GALNT10: variants seen among roughly 807,000 people sequenced by gnomAD.
GALNT10 encodes the protein polypeptide N-acetylgalactosaminyltransferase 10.
Under a neutral mutation model 75.0 loss-of-function variants are expected in GALNT10, and 41 were observed. That is an observed-to-expected ratio of 0.55 (90% CI 0.43 to 0.71). The LOEUF is 0.71. Ranked by LOEUF, GALNT10 falls within the 30% of genes least tolerant of loss-of-function variation. The probability of loss-of-function intolerance (pLI) is 0.00; values close to 1 mark genes in which losing one functional copy is unlikely to be tolerated. For synonymous variants in GALNT10, 302 were observed against 313.0 expected, an observed-to-expected ratio of 0.96 and a Z score of 0.37; for missense variants, 727 against 818.5, an observed-to-expected ratio of 0.89 and a Z score of 1.36.
chr5:154,235,409 T>G (rs1753229795), intron 1 of GALNT10, among the ~76,000 whole-genome samples: 3 of 152,148 alleles, frequency 2.0e-5, no homozygotes, highest in Admixed American at 2.0e-4. Context: ...GCTGCAGTCT[T>G]TGCAGAGTCT....
At chr5:154,263,129 A>G (rs1056483547) in intron 1 of GALNT10, among the ~76,000 whole-genome samples, 1 of 152,190 alleles carries the variant, frequency 6.6e-6, no homozygotes, top group African/African-American at 2.4e-5. Flanking sequence ...CATATGACCC[A>G]GCAGTCCCAC....
chr5:154,276,848 G>A (rs1753960832), intron 1 of GALNT10, among the ~76,000 whole-genome samples: 1 of 152,182 alleles, frequency 6.6e-6, no homozygotes, highest in African/African-American at 2.4e-5. Context: ...GCCTCTTGAA[G>A]ATGTGGTGTT....
intron 1 of GALNT10, among the ~76,000 whole-genome samples, chr5:154,248,294 A>C (rs1199159291): frequency 6.6e-6 from 1 of 152,178 alleles, no homozygotes. Context: ...CGTCTCTGCC[A>C]GGCTTTGGTA....
intron 4 of GALNT10, among the ~76,000 whole-genome samples, chr5:154,359,265 G>A (rs994914041): frequency 1.3e-5 from 2 of 152,160 alleles, no homozygotes; most frequent in Non-Finnish European, 2.9e-5. Flanking sequence ...ATCTTGGGCT[G>A]TGTGAGTTAA....
At chr5:154,327,553 A>G (rs1406075056) in intron 3 of GALNT10, among the ~76,000 whole-genome samples, 2 of 152,272 alleles carry the variant, frequency 1.3e-5, no homozygotes, top group Non-Finnish European at 2.9e-5. Flanking sequence ...AAGAATAATA[A>G]CTGCATTTGA....
intron 1 of GALNT10, among the ~76,000 whole-genome samples, chr5:154,207,695 G>A (rs1775132583): frequency 6.6e-6 from 1 of 152,158 alleles, no homozygotes; most frequent in South Asian, 2.1e-4. Flanking sequence ...CAGGGGGTGG[G>A]TAGTGAAGGG....
In GALNT10 at chr5:154,417,820, T is replaced by A. The variant is rs976334173; in HGVS notation, c.*848T>A. Reference sequence around the variant, plus strand: ...AGACCTCCAAACTAGAAATGCTGGCTGATTTGCCCTGATCCATGCTTCCAT... The same window carrying A: ...AGACCTCCAAACTAGAAATGCTGGCAGATTTGCCCTGATCCATGCTTCCAT... On this transcript the variant is annotated 3_prime_UTR_variant, in exon 12 of 12. Transcript: ENST00000297107. 6.6e-6 allele frequency: 1 copy of A among 152,246 alleles called. No individual in the cohort carries two copies. Among genetic ancestry groups the A allele is most frequent in the African/African-American group, 2.4e-5 (1 of 41,456 alleles). The allele number at this position is 152,246 out of a possible 1,614,324, so 9.4% of individuals were successfully genotyped here.
At chr5:154,414,727 T>G (rs1487454907) in intron 10 of GALNT10, among the ~76,000 whole-genome samples, 2 of 152,114 alleles carry the variant, frequency 1.3e-5, no homozygotes, top group African/African-American at 4.8e-5. Context: ...TTTAAATGTG[T>G]GCAGTTTATT....
At chr5:154,198,803 T>C (rs995379511) in intron 1 of GALNT10, among the ~76,000 whole-genome samples, 21 of 152,164 alleles carry the variant, frequency 1.4e-4, no homozygotes, top group Non-Finnish European at 3.1e-4. Context: ...GCCTTGATTT[T>C]CTCATCTGCC....
intron 4 of GALNT10, among the ~76,000 whole-genome samples, chr5:154,363,246 C>T (rs1157119877): frequency 6.6e-6 from 1 of 152,048 alleles, no homozygotes. Flanking sequence ...GTGACTAGCA[C>T]AGCTTGTCAC....
chr5:154,234,247 G>A (rs1753210339), intron 1 of GALNT10, among the ~76,000 whole-genome samples: 1 of 152,112 alleles, frequency 6.6e-6, no homozygotes, highest in Non-Finnish European at 1.5e-5. Context: ...ATCCCCACCT[G>A]CCAAAGCATC....
At chr5:154,211,301 G>A (rs1351522820) in intron 1 of GALNT10, among the ~76,000 whole-genome samples, 1 of 152,132 alleles carries the variant, frequency 6.6e-6, no homozygotes, top group Non-Finnish European at 1.5e-5. Flanking sequence ...TCTCTGGAGG[G>A]AGTGCAGTAT....
rs571401722 is a variant in GALNT10 at position 154,352,056 on chromosome 5, A to G, written c.568+22318A>G. Among the ~76,000 whole-genome samples the G allele has an allele frequency of 2.6e-5, 4 of 152,368 alleles. No homozygotes were observed. The South Asian group carries it at 8.3e-4, about 32-fold the overall frequency. ...CTGTGTGCCGTGTACAGGGATGCAC[A>G]GCCAGTTGATGATTCCAAAGCCCAT... On this transcript the variant is annotated intron_variant, in intron 4 of 11. Coordinates refer to ENST00000297107, the MANE Select transcript of GALNT10 (RefSeq NM_198321.4). This position sits in a 1 kb window ranked among gnomAD's most constrained non-coding sequence, Gnocchi z 4.4.
At chr5:154,241,890 A>C (rs1753341852) in intron 1 of GALNT10, among the ~76,000 whole-genome samples, 1 of 152,234 alleles carries the variant, frequency 6.6e-6, no homozygotes, top group African/African-American at 2.4e-5. Flanking sequence ...TTTTTGAATA[A>C]CATTTTTTTC....
intron 1 of GALNT10, among the ~76,000 whole-genome samples, chr5:154,238,467 T>C (rs1753282042): frequency 6.6e-6 from 1 of 152,192 alleles, no homozygotes; most frequent in South Asian, 2.1e-4. Context: ...GGCAGAAGTC[T>C]GTCTTGAGGA....
At chr5:154,331,924 G>A (rs1187556521) in intron 4 of GALNT10, among the ~76,000 whole-genome samples, 1 of 152,138 alleles carries the variant, frequency 6.6e-6, no homozygotes. Context: ...CAGCCTCTGA[G>A]GGAAGCCTTG....
chr5:154,355,404 T>G (rs749056184), intron 4 of GALNT10, among the ~76,000 whole-genome samples: 12 of 152,220 alleles, frequency 7.9e-5, no homozygotes, highest in Non-Finnish European at 1.8e-4. Context: ...CAGCCCTCTC[T>G]TCCCTGGAGG....
At chr5:154,226,806 C>T (rs34522725) in intron 1 of GALNT10, among the ~76,000 whole-genome samples, 56,020 of 151,954 alleles carry the variant, frequency 0.37, 12,331 homozygotes, top group East Asian at 0.84. Flanking sequence ...AGAATTTCCT[C>T]GTGTCCCTTT....
chr5:154,371,171 C>G (rs1755556425), intron 4 of GALNT10, among the ~76,000 whole-genome samples: 1 of 152,182 alleles, frequency 6.6e-6, no homozygotes, highest in South Asian at 2.1e-4. Flanking sequence ...AGACTCACTA[C>G]TCCAGTCTCT....
Sources: gnomAD v4.1 joint callset for allele counts (sites outside exome capture counted in the v4.1 genomes callset) on GRCh38, gnomAD v4.1.1 for gene constraint, Gnocchi (gnomAD v3.1) non-coding constraint, MANE v1.5 for transcripts, NCBI Gene and HGNC (gene_info 2026-07-23, HGNC 2026-07-21) for gene names.